Variants in DOCK8 observed in about 807,000 individuals in gnomAD.
DOCK8 encodes dedicator of cytokinesis 8.
A neutral mutation model predicts 245.6 loss-of-function variants in DOCK8; 141 were observed. The observed-to-expected ratio is 0.57, with a 90% CI of 0.50 to 0.66. The LOEUF is 0.66. Ranked by LOEUF, DOCK8 falls within the 30% of genes least tolerant of loss-of-function variation. DOCK8 has a pLI of 0.00. For missense variants in DOCK8, 2,965 were observed against 2,603.4 expected (o/e 1.14, Z -3.02); for synonymous variants, 1,168 against 970.2 (o/e 1.20, Z -3.79).
At chr9:231,528 C>T (rs1462766183) in intron 1 of DOCK8, among the ~76,000 whole-genome samples, 5 of 152,158 alleles carry the variant, frequency 3.3e-5, no homozygotes, top group Non-Finnish European at 5.9e-5. Flanking sequence ...TCTTCCTACC[C>T]ATGAGCATGG....
intron 1 of DOCK8, among the ~76,000 whole-genome samples, chr9:240,540 A>G (rs867836313): frequency 4.9e-4 from 75 of 152,320 alleles, no homozygotes; most frequent in African/African-American, 1.6e-3. Context: ...TATATAGAAT[A>G]TAAGTATAAG....
At chr9:353,585 C>T (rs766053884) in intron 14 of DOCK8, among the ~76,000 whole-genome samples, 1 of 152,036 alleles carries the variant, frequency 6.6e-6, no homozygotes, top group Non-Finnish European at 1.5e-5. Context: ...ATTTGCAAAG[C>T]CTGGGAAAAA....
upstream of DOCK8, chr9:214,553 G>T: frequency 1.2e-6 from 2 of 1,613,656 alleles, no homozygotes; most frequent in Non-Finnish European, 1.7e-6. Context: ...GCTTTGTGGG[G>T]CTCCCCCGAC....
chr9:420,480 C>G lies in DOCK8; in HGVS notation c.3920C>G (p.Ala1307Gly). 6.2e-7 allele frequency: 1 copy of G among 1,614,160 alleles called. No individual in the cohort carries two copies. The highest frequency in any genetic ancestry group is 8.5e-7 in the Non-Finnish European group (1 of 1,180,038). ...TGCTTCCTCTGGATCATGAAAAATGCTGATCAGAGCCTCATTAGGAAGTGG... is the reference window on the plus strand; with the variant it reads ...TGCTTCCTCTGGATCATGAAAAATGGTGATCAGAGCCTCATTAGGAAGTGG... Reference protein sequence around the residue: ...MICFLWIMKNADQSLIRKWIA... With the variant: ...MICFLWIMKNGDQSLIRKWIA... Residue 1307 changes from alanine (A) to glycine (G), a missense_variant, in exon 31 of 48, where the codon GCT becomes GGT. Coordinates refer to ENST00000432829, the MANE Select transcript of DOCK8 (RefSeq NM_203447.4).
chr9:317,140 C>A lies in DOCK8; in HGVS notation c.827+12C>A. On this transcript the variant is annotated intron_variant, in intron 7 of 47. Transcript: ENST00000432829. ...TTGCTGACCTTGAAGTAAGTATCAACAAACACACTGCCACCGCTTTGAGAT... is the reference window on the plus strand; with the variant it reads ...TTGCTGACCTTGAAGTAAGTATCAAAAAACACACTGCCACCGCTTTGAGAT... 1.3e-6 allele frequency: 2 copies of A among 1,582,522 alleles called. No individual in the cohort carries two copies. The highest frequency in any genetic ancestry group is 1.7e-6 in the Non-Finnish European group (2 of 1,151,246).
intron 43 of DOCK8, among the ~76,000 whole-genome samples, chr9:445,999 TC>T (rs1474474656): frequency 6.6e-6 from 1 of 152,262 alleles, no homozygotes; most frequent in Admixed American, 6.5e-5. Flanking sequence ...GTTCGGCCAT[TC>T]ATGCTTCCTC....
intron 18 of DOCK8, among the ~76,000 whole-genome samples, chr9:372,883 A>T (rs1563978191): frequency 6.6e-6 from 1 of 152,240 alleles, no homozygotes; most frequent in African/African-American, 2.4e-5. Context: ...TACAAAAATT[A>T]GCTGGGCCTG....
chr9:285,178 T>A (rs1329276510), intron 2 of DOCK8, among the ~76,000 whole-genome samples: 1 of 152,160 alleles, frequency 6.6e-6, no homozygotes, highest in Admixed American at 6.5e-5. Context: ...ACGCCACTCA[T>A]GTCTCCTCCA....
chr9:441,281 C>CT lies in DOCK8; in HGVS notation c.5224-5_5224-4insT. 6.2e-7 allele frequency: 1 copy of CT among 1,614,154 alleles called. No individual in the cohort carries two copies. Among genetic ancestry groups the CT allele is most frequent in the African/African-American group, 1.3e-5 (1 of 75,052 alleles). ...TCTCTCTGATGCTCTTCTCCTCTTT[C>CT]CAAGGGAGGCTTATATGAGACAGTT... On this transcript the variant is annotated splice_region_variant and splice_polypyrimidine_tract_variant and intron_variant, in intron 40 of 47. Coordinates refer to ENST00000432829, the MANE Select transcript of DOCK8 (RefSeq NM_203447.4).
At position 451,975 on chromosome 9, in the gene DOCK8, ATAT is replaced by A. The variant is rs557913419; in HGVS notation, c.5962-34_5962-32del. ...TGTGTGTATATATATATATATATATATATTTTTTTTTTTTTTTTTTTTTTTTTC... is the reference window on the plus strand; with the variant it reads ...TGTGTGTATATATATATATATATATATTTTTTTTTTTTTTTTTTTTTTTTC... On this transcript the variant is annotated intron_variant, in intron 45 of 47. Transcript: ENST00000432829. The A allele has an allele frequency of 6.5e-4, 146 of 225,194 alleles. No individual in the cohort carries two copies. The African/African-American group carries it at 6.7e-3, about 10-fold the overall frequency. The allele number at this position is 225,194 out of a possible 1,614,324, so 13.9% of individuals were successfully genotyped here. A position where few individuals can be genotyped will look rare whatever the true frequency, so the allele number is the denominator to read the frequency against.
intron 24 of DOCK8, 124 bp downstream of exon 24, chr9:390,690 A>G: frequency 1.2e-6 from 1 of 852,198 alleles, no homozygotes; most frequent in Non-Finnish European, 2.0e-6. Context: ...CTTGAAATCT[A>G]ATAATCTCTC....
rs753247084 is a variant in DOCK8, at chr9:325,798, G to T, written c.894+61G>T. ...ATATATTGTTCATGATTCTTTGCATGTATGTTTTTAAATTTCTTTGCAGCA... is the reference window on the plus strand; with the variant it reads ...ATATATTGTTCATGATTCTTTGCATTTATGTTTTTAAATTTCTTTGCAGCA... On this transcript the variant is annotated intron_variant, in intron 8 of 47. Coordinates refer to ENST00000432829, the MANE Select transcript of DOCK8 (RefSeq NM_203447.4). 4.1e-4 allele frequency: 576 copies of T among 1,413,104 alleles called. 3 individuals are homozygous for T. The highest frequency in any genetic ancestry group is 8.7e-4 in the Middle Eastern group (5 of 5,720). The allele number at this position is 1,413,104 out of a possible 1,614,324, so 87.5% of individuals were successfully genotyped here. A position where few individuals can be genotyped will look rare whatever the true frequency, so the allele number is the denominator to read the frequency against.
intron 7 of DOCK8, 24 bp downstream of exon 7, chr9:317,152 C>T (rs1586685091): frequency 6.5e-7 from 1 of 1,534,470 alleles, no homozygotes. Flanking sequence ...AACACACTGC[C>T]ACCGCTTTGA....
chr9:437,078 C>T (rs1403171596), intron 39 of DOCK8, among the ~76,000 whole-genome samples: 2 of 152,190 alleles, frequency 1.3e-5, no homozygotes, highest in Non-Finnish European at 2.9e-5. Context: ...ATTCTTACTT[C>T]TCTCAAATGG....
chr9:326,694 C>T (rs1032490242), intron 8 of DOCK8, among the ~76,000 whole-genome samples: 2 of 152,200 alleles, frequency 1.3e-5, no homozygotes, highest in African/African-American at 4.8e-5. Context: ...CTCAGAAATA[C>T]AGGCTGGCAG....
intron 1 of DOCK8, among the ~76,000 whole-genome samples, chr9:237,637 A>G (rs575060449): frequency 1.7e-4 from 26 of 152,348 alleles, no homozygotes; most frequent in South Asian, 4.1e-4. Flanking sequence ...TCTGGGTGAC[A>G]GAGCAAGACC....
chr9:336,825 C>G (rs2051333661), intron 12 of DOCK8, 107 bp downstream of exon 12: 3 of 1,338,038 alleles, frequency 2.2e-6, no homozygotes, highest in Non-Finnish European at 3.2e-6. Flanking sequence ...ATTAGTTAAG[C>G]TCACTCTCTT....
chr9:329,821 A>C (rs968738759), intron 9 of DOCK8, among the ~76,000 whole-genome samples: 2 of 152,236 alleles, frequency 1.3e-5, no homozygotes, highest in African/African-American at 4.8e-5. Flanking sequence ...CACTTACTAA[A>C]TATGTTCCAA....
At chr9:315,604 T>A (rs1223404747) in intron 6 of DOCK8, among the ~76,000 whole-genome samples, 4 of 152,202 alleles carry the variant, frequency 2.6e-5, no homozygotes, top group African/African-American at 9.7e-5. Context: ...CTGAAATATT[T>A]ATATATGTAT....
Sources: allele counts gnomAD v4.1 joint callset (sites outside exome capture counted in the v4.1 genomes callset), GRCh38; gene constraint gnomAD v4.1.1; transcripts MANE v1.5; gene names NCBI Gene and HGNC (gene_info 2026-07-23, HGNC 2026-07-21).